The following ZNF385D variants were observed in gnomAD, a reference collection of about 807,000 sequenced individuals.
The protein encoded by ZNF385D is zinc finger protein 659.
ZNF385D carries 15 observed loss-of-function variants against 35.8 expected under a neutral mutation model. The observed-to-expected ratio is 0.42, with a 90% CI of 0.28 to 0.64. The LOEUF is 0.64. ZNF385D is among the 30% of genes least tolerant of loss of function. The probability of loss-of-function intolerance (pLI) is 0.23; values close to 1 mark genes in which losing one functional copy is unlikely to be tolerated. For missense variants in ZNF385D, 474 were observed against 494.6 expected (o/e 0.96, Z 0.39); for synonymous variants, 212 against 186.8 (o/e 1.13, Z -1.10).
At chr3:21,994,217 A>G (rs755027300) in intron 3 of ZNF385D, among the ~76,000 whole-genome samples, 3 of 152,098 alleles carry the variant, frequency 2.0e-5, no homozygotes, top group Non-Finnish European at 4.4e-5. Context: ...GTCATTAAAC[A>G]CATAAGATCT....
chr3:22,165,031 AG>A (rs1192292922), intron 3 of ZNF385D, among the ~76,000 whole-genome samples: 1 of 152,242 alleles, frequency 6.6e-6, no homozygotes, highest in African/African-American at 2.4e-5. Flanking sequence ...GGCAGAGCAC[AG>A]AGGACTTTTA....
rs542933005 is a variant in ZNF385D at position 21,869,271 on chromosome 3, T to C, written c.326-204243A>G. ...AGATACAATGTCAAATAGCATAACATTGGGATGGGACCGAAAATCCTCTTC... is the reference window on the plus strand; with the variant it reads ...AGATACAATGTCAAATAGCATAACACTGGGATGGGACCGAAAATCCTCTTC... On this transcript the variant is annotated intron_variant, in intron 3 of 5. Coordinates refer to the ZNF385D transcript ENST00000494108. Among the ~76,000 whole-genome samples the C allele has an allele frequency of 7.2e-5, 11 of 152,232 alleles. 1 individual carries two copies. The East Asian group carries it at 2.1e-3, about 29-fold the overall frequency.
chr3:21,435,782 A>G (rs921398833), intron 5 of ZNF385D, among the ~76,000 whole-genome samples: 3 of 152,196 alleles, frequency 2.0e-5, no homozygotes, highest in Non-Finnish European at 2.9e-5. Flanking sequence ...TCTGCAAGGT[A>G]TAGATTCTAC....
intron 2 of ZNF385D, among the ~76,000 whole-genome samples, chr3:22,226,018 C>T (rs1014769561): frequency 9.2e-5 from 14 of 152,220 alleles, no homozygotes; most frequent in African/African-American, 3.4e-4. Context: ...GAAAACCCCA[C>T]CAGCTACTTC....
chr3:21,823,080 G>T (rs1410219727), intron 3 of ZNF385D, among the ~76,000 whole-genome samples: 5 of 151,130 alleles, frequency 3.3e-5, no homozygotes, highest in African/African-American at 1.2e-4. Context: ...GGATACTCAG[G>T]AGTTTTTATT....
intron 2 of ZNF385D, among the ~76,000 whole-genome samples, chr3:21,629,103 A>T (rs537252269): frequency 6.6e-5 from 10 of 152,230 alleles, no homozygotes; most frequent in Non-Finnish European, 1.5e-4. Context: ...TTTTTAAAAA[A>T]AATTGTGATC....
chr3:22,022,635 C>T (rs1169576728), intron 3 of ZNF385D, among the ~76,000 whole-genome samples: 1 of 152,120 alleles, frequency 6.6e-6, no homozygotes, highest in Non-Finnish European at 1.5e-5. Flanking sequence ...TACCAGAAAT[C>T]TATCGTCCCA....
intron 2 of ZNF385D, among the ~76,000 whole-genome samples, chr3:22,171,233 C>T (rs185933613): frequency 2.0e-5 from 3 of 152,162 alleles, no homozygotes; most frequent in African/African-American, 7.2e-5. Context: ...TAGGTGTGCC[C>T]TTGTAACACA....
Position 22,269,424 on chromosome 3 carries a change from G to A in ZNF385D, c.107-100389C>T, listed in dbSNP as rs577008395. 3.3e-3 allele frequency among the ~76,000 whole-genome samples: 501 copies of A among 152,046 alleles called. 4 individuals are homozygous for A. Among genetic ancestry groups the A allele is most frequent in the African/African-American group, 0.01 (420 of 41,532 alleles). The stretch of plus-strand genomic sequence containing the variant: ...AAATAGGCACTTTCTAGAAATTAGA[G>A]TAGTCAGGGTGTTGAGGGTAAGGAT... On this transcript the variant is annotated intron_variant, in intron 2 of 5. Transcript: ENST00000494108.
At position 21,548,540 on chromosome 3, in the gene ZNF385D, A is replaced by G. The variant is rs1172216293; in HGVS notation, c.276+16034T>C. On this transcript the variant is annotated intron_variant, in intron 3 of 7. Coordinates refer to ENST00000281523, the MANE Select transcript of ZNF385D (RefSeq NM_024697.3). The stretch of plus-strand genomic sequence containing the variant: ...TTAATCCTCTTCTCAAACTCTTTGC[A>G]TTTAATGAAATAGACTCTCAACACA... 2.6e-5 allele frequency among the ~76,000 whole-genome samples: 4 copies of G among 152,186 alleles called. 1 individual carries two copies. Among genetic ancestry groups the G allele is most frequent in the South Asian group, 4.1e-4 (2 of 4,824 alleles).
intron 3 of ZNF385D, among the ~76,000 whole-genome samples, chr3:21,803,118 G>C (rs2072483680): frequency 6.6e-6 from 1 of 152,138 alleles, no homozygotes; most frequent in African/African-American, 2.4e-5. Flanking sequence ...AGGGGTTTGG[G>C]AGGGAGTTAT....
chr3:22,248,790 A>G (rs1053995438), intron 2 of ZNF385D, among the ~76,000 whole-genome samples: 44 of 152,234 alleles, frequency 2.9e-4, no homozygotes, highest in Non-Finnish European at 5.0e-4. Flanking sequence ...TGTCGCCTCC[A>G]TTTAATGCTG....
At chr3:22,008,492 G>A (rs1033066851) in intron 3 of ZNF385D, among the ~76,000 whole-genome samples, 1 of 151,954 alleles carries the variant, frequency 6.6e-6, no homozygotes. Context: ...TAGTAGCTGG[G>A]ACTACAGGCG....
At chr3:21,715,470 A>G (rs1233224195) in intron 1 of ZNF385D, among the ~76,000 whole-genome samples, 5 of 152,196 alleles carry the variant, frequency 3.3e-5, no homozygotes, top group African/African-American at 1.2e-4. Context: ...TTGTATAGGT[A>G]TACCACATTT....
At chr3:22,070,207 G>A (rs968385245) in intron 3 of ZNF385D, among the ~76,000 whole-genome samples, 1 of 151,956 alleles carries the variant, frequency 6.6e-6, no homozygotes, top group African/African-American at 2.4e-5. Context: ...ATTTAAATCA[G>A]TGGCCCCATC....
intron 2 of ZNF385D, among the ~76,000 whole-genome samples, chr3:22,189,509 C>G (rs541829637): frequency 6.6e-6 from 1 of 151,954 alleles, no homozygotes; most frequent in Admixed American, 6.6e-5. Flanking sequence ...CAAGTGAGAA[C>G]TGAGGGGAGA....
At chr3:21,694,823 T>C (rs959558329) in intron 1 of ZNF385D, among the ~76,000 whole-genome samples, 1 of 152,184 alleles carries the variant, frequency 6.6e-6, no homozygotes, top group Non-Finnish European at 1.5e-5. Context: ...GCCAGTTATT[T>C]AACTTCACTG....
At chr3:22,252,790 T>C (rs145912310) in intron 2 of ZNF385D, among the ~76,000 whole-genome samples, 1 of 152,172 alleles carries the variant, frequency 6.6e-6, no homozygotes, top group African/African-American at 2.4e-5. Flanking sequence ...CATGTTTGAA[T>C]AAGTTTAACA....
intron 3 of ZNF385D, among the ~76,000 whole-genome samples, chr3:21,537,124 C>CA (rs1553608013): frequency 1.1e-5 from 1 of 95,012 alleles, no homozygotes; most frequent in East Asian, 3.5e-4. Flanking sequence ...AAAATATCAA[C>CA]TTTTTTTTTT....
Sources: allele counts gnomAD v4.1 joint callset (sites outside exome capture counted in the v4.1 genomes callset), GRCh38; gene constraint gnomAD v4.1.1; transcripts MANE v1.5; gene names NCBI Gene and HGNC (gene_info 2026-07-23, HGNC 2026-07-21).